KCNK12: variants seen among roughly 807,000 people sequenced by gnomAD.
KCNK12 encodes potassium two pore domain channel subfamily K member 12.
In KCNK12, 6 loss-of-function variants were observed where a neutral mutation model predicts 25.3. That is an observed-to-expected ratio of 0.24 (90% CI 0.13 to 0.47). The LOEUF is 0.47. Among genes scored for constraint, KCNK12 ranks in the 20% least tolerant of loss-of-function variants. The pLI is 0.99. For synonymous variants in KCNK12, 331 were observed against 311.1 expected (o/e 1.06, Z -0.67); for missense variants, 444 against 661.7 (o/e 0.67, Z 3.61).
intron 1 of KCNK12, among the ~76,000 whole-genome samples, chr2:47,534,433 C>CT (rs1553378721): frequency 6.7e-5 from 1 of 14,914 alleles, no homozygotes; most frequent in South Asian, 2.4e-3. Flanking sequence ...CGTCTCCAGG[C>CT]CCCCCCCACC....
In KCNK12 at chr2:47,528,394, G is replaced by A. The variant is rs569307954; in HGVS notation, c.392-6586C>T. ...GTCAGTAGGTTCAGAGCTCTGGGGGGGTGCTGAGACCCTGGGACAGGCTTC... is the reference window on the plus strand; with the variant it reads ...GTCAGTAGGTTCAGAGCTCTGGGGGAGTGCTGAGACCCTGGGACAGGCTTC... On this transcript the variant is annotated intron_variant, in intron 1 of 1. Transcript: ENST00000327876. The surrounding 1 kb of genome is among the most constrained non-coding windows in gnomAD (Gnocchi z 4.5). The A allele has an allele frequency of 1.3e-5, 2 of 152,526 alleles. No homozygotes were observed. Among genetic ancestry groups the A allele is most frequent in the South Asian group, 2.1e-4 (1 of 4,824 alleles). 9.4% of individuals were successfully genotyped at this position (152,526 alleles called of 1,614,324 possible).
chr2:47,557,234 G>A lies in KCNK12; in HGVS notation c.391+12707C>T, dbSNP rs920275510. 1.3e-5 allele frequency among the ~76,000 whole-genome samples: 2 copies of A among 152,180 alleles called. No individual in the cohort carries two copies. The highest frequency in any genetic ancestry group is 2.9e-5 in the Non-Finnish European group (2 of 68,046). On this transcript the variant is annotated intron_variant, in intron 1 of 1. Coordinates refer to ENST00000327876, the MANE Select transcript of KCNK12 (RefSeq NM_022055.2). This position sits in a 1 kb window ranked among gnomAD's most constrained non-coding sequence, Gnocchi z 4.9. ...TCATGTGGGTTCTGTTCTCATGAAT[G>A]GATTAATGTCATCATCACTGGAGTG...
intron 1 of KCNK12, among the ~76,000 whole-genome samples, chr2:47,567,451 C>G (rs1162259921): frequency 2.0e-5 from 3 of 152,222 alleles, no homozygotes; most frequent in Admixed American, 1.3e-4. Flanking sequence ...AGAAGAGAAA[C>G]TGACCTGTGG....
Position 47,554,141 on chromosome 2 carries a change from C to A in KCNK12, c.391+15800G>T, listed in dbSNP as rs184901393. Among the ~76,000 whole-genome samples the A allele has an allele frequency of 1.1e-4, 17 of 152,248 alleles. 1 individual carries two copies. The East Asian group carries it at 1.2e-3, about 10-fold the overall frequency. The stretch of plus-strand genomic sequence containing the variant: ...TGTTAAAATGGAAGCTTTGGAAGTT[C>A]ATCTATTCAACAAACACAAGGTACT... On this transcript the variant is annotated intron_variant, in intron 1 of 1. Transcript: ENST00000327876.
At position 47,556,492 on chromosome 2, in the gene KCNK12, G is replaced by C. The variant is rs564281308; in HGVS notation, c.391+13449C>G. ...GACACAGTAGGAAGTACAGTGGGAT[G>C]TGGGGGGTGCTGCCAGTGTGGAGTG... On this transcript the variant is annotated intron_variant, in intron 1 of 1. Transcript: ENST00000327876. The surrounding 1 kb of genome is among the most constrained non-coding windows in gnomAD (Gnocchi z 4.8). Among the ~76,000 whole-genome samples, 29 of 152,204 alleles carry C rather than the reference G, an allele frequency of 1.9e-4. No homozygotes were observed. Among genetic ancestry groups the C allele is most frequent in the Non-Finnish European group, 4.0e-4 (27 of 68,026 alleles).
intron 1 of KCNK12, among the ~76,000 whole-genome samples, chr2:47,553,881 G>A (rs928725042): frequency 5.9e-5 from 9 of 152,304 alleles, no homozygotes; most frequent in African/African-American, 1.9e-4. Context: ...AACCTGAGAG[G>A]TGGCATCAGA....
In KCNK12 at chr2:47,540,213, A is replaced by G. The variant is rs1409469831; in HGVS notation, c.392-18405T>C. The stretch of plus-strand genomic sequence containing the variant: ...GCCTCACCGGGCAGACCTATCTTGG[A>G]GAAGATACAAGCAATGGTGCTGAAG... On this transcript the variant is annotated intron_variant, in intron 1 of 1. Transcript: ENST00000327876. The surrounding 1 kb of genome is among the most constrained non-coding windows in gnomAD (Gnocchi z 5.4). 6.6e-6 allele frequency among the ~76,000 whole-genome samples: 1 copy of G among 152,210 alleles called. No homozygotes were observed. The highest frequency in any genetic ancestry group is 2.4e-5 in the African/African-American group (1 of 41,452).
At chr2:47,553,321 T>C (rs1420779213) in intron 1 of KCNK12, among the ~76,000 whole-genome samples, 2 of 152,242 alleles carry the variant, frequency 1.3e-5, no homozygotes, top group African/African-American at 4.8e-5. Flanking sequence ...TTTGGAATCA[T>C]ATAGCAGTTC....
rs144656310 is a variant in KCNK12 at position 47,520,625 on chromosome 2, T to C, written c.*282A>G. On this transcript the variant is annotated 3_prime_UTR_variant, in exon 2 of 2. Coordinates refer to ENST00000327876, the MANE Select transcript of KCNK12 (RefSeq NM_022055.2). This position sits in a 1 kb window ranked among gnomAD's most constrained non-coding sequence, Gnocchi z 5.0. ...CTGCAAAACCCTCCTCGCTGCGGTA[T>C]GCCCTGGGTGTGGGCCTGGGGGGCC... 0.017 allele frequency: 5,609 copies of C among 331,372 alleles called. 79 individuals are homozygous for C. The highest frequency in any genetic ancestry group is 0.047 in the Middle Eastern group (60 of 1,268). 20.5% of individuals were successfully genotyped at this position (331,372 alleles called of 1,614,324 possible).
intron 1 of KCNK12, among the ~76,000 whole-genome samples, chr2:47,561,141 ACCT>A (rs1346559763): frequency 6.6e-6 from 1 of 151,852 alleles, no homozygotes; most frequent in East Asian, 1.9e-4. Context: ...CAACTCCATG[ACCT>A]CCTCCTCAGC....
At position 47,520,770 on chromosome 2, in the gene KCNK12, A is replaced by T. The variant is rs1327657742; in HGVS notation, c.*137T>A. On this transcript the variant is annotated 3_prime_UTR_variant, in exon 2 of 2. Transcript: ENST00000327876. This position sits in a 1 kb window ranked among gnomAD's most constrained non-coding sequence, Gnocchi z 5.0. Reference sequence around the variant, plus strand: ...ATAACATCAGGCCTGGCCAAATAGTATTTCTTTAAAAAAATTTTTTTTGTT... The same window carrying T: ...ATAACATCAGGCCTGGCCAAATAGTTTTTCTTTAAAAAAATTTTTTTTGTT... The T allele has an allele frequency of 1.7e-6, 1 of 589,084 alleles. No homozygotes were observed. The highest frequency in any genetic ancestry group is 3.5e-5 in the East Asian group (1 of 28,834). The allele number at this position is 589,084 out of a possible 1,614,324, so 36.5% of individuals were successfully genotyped here. A position where few individuals can be genotyped will look rare whatever the true frequency, so the allele number is the denominator to read the frequency against.
Position 47,570,453 on chromosome 2 carries a change from C to A in KCNK12, c.-122G>T, listed in dbSNP as rs1669869812. ...TCCGGGGCCGCCGCGGAGCCCCTCGCCGCCTTCGCAGAGCCCCTCGTCGCC... is the reference window on the plus strand; with the variant it reads ...TCCGGGGCCGCCGCGGAGCCCCTCGACGCCTTCGCAGAGCCCCTCGTCGCC... On this transcript the variant is annotated 5_prime_UTR_variant, in exon 1 of 2. Coordinates refer to ENST00000327876, the MANE Select transcript of KCNK12 (RefSeq NM_022055.2). The A allele has an allele frequency of 1.9e-6, 2 of 1,046,428 alleles. No individual in the cohort carries two copies. Among genetic ancestry groups the A allele is most frequent in the Non-Finnish European group, 2.4e-6 (2 of 831,558 alleles). The allele number at this position is 1,046,428 out of a possible 1,614,324, so 64.8% of individuals were successfully genotyped here.
At position 47,540,772 on chromosome 2, in the gene KCNK12, A is replaced by AAAACAAACAAACAAAC. The variant is rs59132408; in HGVS notation, c.392-18980_392-18965dup. 6.2e-3 allele frequency among the ~76,000 whole-genome samples: 928 copies of AAAACAAACAAACAAAC among 150,050 alleles called. 12 individuals carry two copies. The highest frequency in any genetic ancestry group is 0.021 in the African/African-American group (854 of 40,568). On this transcript the variant is annotated intron_variant, in intron 1 of 1. Coordinates refer to ENST00000327876, the MANE Select transcript of KCNK12 (RefSeq NM_022055.2). This position sits in a 1 kb window ranked among gnomAD's most constrained non-coding sequence, Gnocchi z 5.4. ...GAGACTCCATCCCTAGAAACAATTA[A>AAAACAAACAAACAAAC]AAACAAACAAACAAACAAACAAACA...
At position 47,515,921 on chromosome 2, in the gene KCNK12, A is replaced by G. The variant is rs1668514341; in HGVS notation, c.*4986T>C. 1.3e-5 allele frequency among the ~76,000 whole-genome samples: 2 copies of G among 152,246 alleles called. No individual in the cohort carries two copies. The highest frequency in any genetic ancestry group is 4.1e-4 in the South Asian group (2 of 4,830). ...AGAAGCAATAGGGCAGCCTGGTCCC[A>G]TATCCTCATGAAATGCCTCTTATAA... On this transcript the variant is annotated 3_prime_UTR_variant, in exon 2 of 2. Coordinates refer to ENST00000327876, the MANE Select transcript of KCNK12 (RefSeq NM_022055.2).
At chr2:47,545,870 G>A (rs1455965517) in intron 1 of KCNK12, among the ~76,000 whole-genome samples, 1 of 151,976 alleles carries the variant, frequency 6.6e-6, no homozygotes, top group African/African-American at 2.4e-5. Context: ...ATAGAGAAGA[G>A]GAGGTCATGG....
chr2:47,552,270 C>T (rs1344950733), intron 1 of KCNK12, among the ~76,000 whole-genome samples: 1 of 152,186 alleles, frequency 6.6e-6, no homozygotes, highest in Non-Finnish European at 1.5e-5. Context: ...GTGCCTTTCC[C>T]ACCTGCAGGG....
At chr2:47,543,534 T>G (rs1669247185) in intron 1 of KCNK12, 2 of 152,250 alleles carry the variant, frequency 1.3e-5, no homozygotes, top group Admixed American at 1.3e-4. Context: ...TGCGGTTCTC[T>G]GAAGACACTG....
intron 1 of KCNK12, chr2:47,543,477 G>C (rs1489570757): frequency 6.6e-6 from 1 of 152,152 alleles, no homozygotes; most frequent in African/African-American, 2.4e-5. Flanking sequence ...AGTCATAGAG[G>C]TAATGTCAGA....
intron 1 of KCNK12, among the ~76,000 whole-genome samples, chr2:47,561,502 G>T (rs1364747413): frequency 1.3e-5 from 2 of 152,198 alleles, no homozygotes; most frequent in African/African-American, 4.8e-5. Flanking sequence ...GGGGGGCTGA[G>T]GCCCAGAGGA....
Sources: gnomAD v4.1 joint callset for allele counts (sites outside exome capture counted in the v4.1 genomes callset) on GRCh38, gnomAD v4.1.1 for gene constraint, Gnocchi (gnomAD v3.1) non-coding constraint, MANE v1.5 for transcripts, NCBI Gene and HGNC (gene_info 2026-07-23, HGNC 2026-07-21) for gene names.